Variants in MARCHF6 observed in about 807,000 individuals in gnomAD.
MARCHF6 encodes E3 ubiquitin-protein ligase MARCHF6.
Under a neutral mutation model 133.7 loss-of-function variants are expected in MARCHF6, and 31 were observed. That is an observed-to-expected ratio of 0.23 (90% confidence interval 0.17 to 0.31). MARCHF6 has a LOEUF of 0.31. Ranked by LOEUF, MARCHF6 falls within the 10% of genes least tolerant of loss-of-function variation. MARCHF6 has a pLI of 1.00. For synonymous variants in MARCHF6, 395 were observed against 402.5 expected (o/e 0.98, Z 0.22); for missense variants, 723 against 1,121.6 (o/e 0.64, Z 5.08).
intron 5 of MARCHF6, among the ~76,000 whole-genome samples, chr5:10,389,248 A>G (rs1268761783): frequency 6.6e-6 from 1 of 152,200 alleles, no homozygotes; most frequent in Non-Finnish European, 1.5e-5. Flanking sequence ...TAAGAAAGGA[A>G]AAGGACAAAA....
chr5:10,381,343 TCTG>T (rs1040902238), intron 3 of MARCHF6, among the ~76,000 whole-genome samples: 2 of 152,238 alleles, frequency 1.3e-5, no homozygotes, highest in Non-Finnish European at 2.9e-5. Flanking sequence ...CATGAAATGA[TCTG>T]CTGCGGACTG....
chr5:10,430,200 G>A lies in MARCHF6; in HGVS notation c.2642+172G>A, dbSNP rs151130893. On this transcript the variant is annotated intron_variant, in intron 25 of 25. Transcript: ENST00000274140. ...ACATGTGAAGGAGAGTGGAATCAAG[G>A]ACTTAGTTGGCCCAAACACAGGGAA... 1.3e-3 allele frequency among the ~76,000 whole-genome samples: 205 copies of A among 151,958 alleles called. 2 individuals carry two copies. The highest frequency in any genetic ancestry group is 3.4e-4 in the Non-Finnish European group (23 of 67,976).
At chr5:10,397,263 A>G (rs1407012692) in intron 9 of MARCHF6, 30 bp from the exon 10 acceptor site, 4 of 1,487,084 alleles carry the variant, frequency 2.7e-6, no homozygotes, top group Admixed American at 4.4e-5. Flanking sequence ...TATGAATTGA[A>G]TATGCTTTAT....
At chr5:10,420,959 G>A (rs1739792287) in intron 22 of MARCHF6, among the ~76,000 whole-genome samples, 1 of 152,156 alleles carries the variant, frequency 6.6e-6, no homozygotes, top group South Asian at 2.1e-4. Context: ...AACATAAGCT[G>A]AAATCCTGTA....
rs1445197283 is a variant in MARCHF6 at position 10,382,432 on chromosome 5, A to C, written c.334+489A>C. Among the ~76,000 whole-genome samples, 4 of 148,916 alleles carry C rather than the reference A, an allele frequency of 2.7e-5. No homozygotes were observed. In the South Asian group the frequency reaches 6.3e-4, roughly 24 times the overall value. On this transcript the variant is annotated intron_variant, in intron 4 of 25. Transcript: ENST00000274140. ...CAGTGAACTGAGATCGCACCACTGCACTCCAGCTTGGGCAACAGAGCAAGA... is the reference window on the plus strand; with the variant it reads ...CAGTGAACTGAGATCGCACCACTGCCCTCCAGCTTGGGCAACAGAGCAAGA...
intron 17 of MARCHF6, among the ~76,000 whole-genome samples, chr5:10,407,533 A>G (rs1479287799): frequency 3.3e-5 from 5 of 152,212 alleles, no homozygotes; most frequent in Non-Finnish European, 7.3e-5. Flanking sequence ...ATACCTAATG[A>G]GAGTGTATTA....
chr5:10,403,593 C>T (rs1738685180), intron 15 of MARCHF6, 52 bp downstream of exon 15: 1 of 1,513,716 alleles, frequency 6.6e-7, no homozygotes, highest in Admixed American at 2.0e-5. Context: ...AGGACTTTTG[C>T]TTTCACCACC....
intron 1 of MARCHF6, among the ~76,000 whole-genome samples, chr5:10,371,083 A>G (rs1310806675): frequency 6.6e-6 from 1 of 152,212 alleles, no homozygotes; most frequent in Non-Finnish European, 1.5e-5. Flanking sequence ...CCCTTGGTTG[A>G]TAATTACTTG....
chr5:10,429,830 G>A (rs954878756), intron 24 of MARCHF6, 63 bp from the exon 25 acceptor site: 5 of 1,407,104 alleles, frequency 3.6e-6, no homozygotes, highest in Non-Finnish European at 5.0e-6. Flanking sequence ...GGAAGGACAT[G>A]TTTACGTTTC....
chr5:10,432,838 C>T (rs1283884107), intron 25 of MARCHF6, among the ~76,000 whole-genome samples: 1 of 152,076 alleles, frequency 6.6e-6, no homozygotes, highest in Non-Finnish European at 1.5e-5. Flanking sequence ...GAAATTTCTC[C>T]TTTGATTTCT....
intron 1 of MARCHF6, among the ~76,000 whole-genome samples, chr5:10,375,779 C>T (rs1736740548): frequency 6.6e-6 from 1 of 151,952 alleles, no homozygotes; most frequent in South Asian, 2.1e-4. Flanking sequence ...TTATGTCTAG[C>T]TCAGGGATTG....
intron 16 of MARCHF6, among the ~76,000 whole-genome samples, chr5:10,406,176 C>T (rs528263336): frequency 3.4e-4 from 51 of 152,214 alleles, no homozygotes; most frequent in African/African-American, 1.0e-3. Context: ...CCTGAAATCC[C>T]GTTGAAAACT....
chr5:10,359,380 A>AT (rs1291816119), intron 1 of MARCHF6, among the ~76,000 whole-genome samples: 1 of 151,984 alleles, frequency 6.6e-6, no homozygotes, highest in Non-Finnish European at 1.5e-5. Context: ...GATTTTCTTA[A>AT]TTTTTTTCTC....
intron 1 of MARCHF6, among the ~76,000 whole-genome samples, chr5:10,370,991 A>G (rs181403803): frequency 4.2e-4 from 64 of 152,324 alleles, no homozygotes; most frequent in African/African-American, 1.3e-3. Flanking sequence ...TGCTTGATGA[A>G]GGTAGTTGTG....
chr5:10,354,225 A>G (rs944860374), intron 1 of MARCHF6, among the ~76,000 whole-genome samples: 4 of 152,096 alleles, frequency 2.6e-5, no homozygotes, highest in African/African-American at 9.7e-5. Flanking sequence ...GCGCTGGCCC[A>G]GAAAAGGGGG....
chr5:10,411,607 A>C, intron 19 of MARCHF6, 70 bp downstream of exon 19: 1 of 1,280,308 alleles, frequency 7.8e-7, no homozygotes, highest in African/African-American at 1.5e-5. Flanking sequence ...ATTGCTGTTG[A>C]GAATTGGTGC....
intron 24 of MARCHF6, among the ~76,000 whole-genome samples, chr5:10,427,240 C>G (rs1740134802): frequency 2.0e-5 from 3 of 152,224 alleles, no homozygotes; most frequent in African/African-American, 7.2e-5. Flanking sequence ...TCATTCGTCT[C>G]CTACCCTAAC....
At chr5:10,374,846 A>G (rs1736674726) in intron 1 of MARCHF6, among the ~76,000 whole-genome samples, 1 of 152,224 alleles carries the variant, frequency 6.6e-6, no homozygotes. Context: ...CTGAAAGGCA[A>G]CAGCAATAGA....
At chr5:10,416,716 T>C (rs1232455702) in intron 21 of MARCHF6, among the ~76,000 whole-genome samples, 1 of 152,208 alleles carries the variant, frequency 6.6e-6, no homozygotes, top group Admixed American at 6.5e-5. Context: ...TTTTATAATG[T>C]CTCCTCTCTG....
Sources: gnomAD v4.1 joint callset for allele counts (sites outside exome capture counted in the v4.1 genomes callset) on GRCh38, gnomAD v4.1.1 for gene constraint, MANE v1.5 for transcripts, NCBI Gene and HGNC (gene_info 2026-07-23, HGNC 2026-07-21) for gene names.